The following STAG1 variants were observed in gnomAD, a reference collection of about 807,000 sequenced individuals.
The protein encoded by STAG1 is STAG1 cohesin complex component.
A neutral mutation model predicts 170.9 loss-of-function variants in STAG1; 26 were observed. The observed-to-expected ratio is 0.15, with a 90% CI of 0.11 to 0.21. The LOEUF is 0.21. Among genes scored for constraint, STAG1 ranks in the 10% least tolerant of loss-of-function variants. STAG1 has a pLI of 1.00. For synonymous variants in STAG1, 514 were observed against 497.7 expected, an observed-to-expected ratio of 1.03 and a Z score of -0.44; for missense variants, 964 against 1,509.5, an observed-to-expected ratio of 0.64 and a Z score of 5.99.
Position 136,736,408 on chromosome 3 carries a change from G to A in STAG1, c.-84+15787C>T, listed in dbSNP as rs1421272169. On this transcript the variant is annotated intron_variant, in intron 1 of 33. Transcript: ENST00000383202. ...AAAAGCAAATACTACTCTATGTTGGGGTGGAAGTGGGAGGAAAGAATGAGT... is the reference window on the plus strand; with the variant it reads ...AAAAGCAAATACTACTCTATGTTGGAGTGGAAGTGGGAGGAAAGAATGAGT... 4 of 917,036 alleles carry A rather than the reference G, an allele frequency of 4.4e-6. No homozygotes were observed. In the East Asian group the frequency reaches 9.6e-5, roughly 22 times the overall value. The allele number at this position is 917,036 out of a possible 1,614,324, so 56.8% of individuals were successfully genotyped here.
chr3:136,363,332 C>A (rs773787704), intron 26 of STAG1, 34 bp downstream of exon 26: 1 of 1,117,892 alleles, frequency 8.9e-7, no homozygotes, highest in Non-Finnish European at 1.4e-6. Context: ...AATGTTATTT[C>A]CATTCTTTGT....
chr3:136,363,292 T>C (rs1936947436), intron 26 of STAG1, 74 bp downstream of exon 26: 1 of 756,720 alleles, frequency 1.3e-6, no homozygotes. Context: ...ATGAGATACC[T>C]AGCAAATATT....
chr3:136,687,886 A>T (rs1056948855), intron 1 of STAG1, among the ~76,000 whole-genome samples: 3 of 151,880 alleles, frequency 2.0e-5, no homozygotes, highest in Non-Finnish European at 4.4e-5. Flanking sequence ...ACCAACGTCC[A>T]CCACCATGCC....
At chr3:136,518,672 CGTTAAA>C (rs1416121222) in intron 7 of STAG1, among the ~76,000 whole-genome samples, 11 of 151,928 alleles carry the variant, frequency 7.2e-5, no homozygotes, top group African/African-American at 2.7e-4. Flanking sequence ...TACAGTAATA[CGTTAAA>C]GTAAATTGAG....
intron 10 of STAG1, among the ~76,000 whole-genome samples, chr3:136,476,925 T>C (rs1359034442): frequency 6.6e-6 from 1 of 152,156 alleles, no homozygotes; most frequent in Non-Finnish European, 1.5e-5. Flanking sequence ...TACTATGATA[T>C]GGTCCTAGAA....
chr3:136,712,629 C>T (rs916600025), intron 1 of STAG1, among the ~76,000 whole-genome samples: 4 of 152,116 alleles, frequency 2.6e-5, no homozygotes, highest in African/African-American at 9.7e-5. Flanking sequence ...ATAATGTGCA[C>T]TCAGGAGAAT....
At chr3:136,405,262 G>A (rs764814113) in intron 21 of STAG1, among the ~76,000 whole-genome samples, 16 of 75,092 alleles carry the variant, frequency 2.1e-4, no homozygotes, top group South Asian at 4.9e-4. Flanking sequence ...TTTTTTTTCA[G>A]ACGAAGTCTC....
intron 6 of STAG1, among the ~76,000 whole-genome samples, chr3:136,524,359 T>G (rs1017588982): frequency 6.4e-4 from 97 of 152,286 alleles, no homozygotes; most frequent in African/African-American, 2.3e-3. Context: ...TTGAAGCAAT[T>G]GTGAATGGGA....
In STAG1 at chr3:136,702,075, AAGAGAGAGAGAGAG is replaced by A. The variant is rs745623191; in HGVS notation, c.-84+50106_-84+50119del. Among the ~76,000 whole-genome samples the A allele has an allele frequency of 3.0e-3, 276 of 92,208 alleles. 1 individual carries two copies. Among genetic ancestry groups the A allele is most frequent in the African/African-American group, 8.3e-3 (180 of 21,798 alleles). 60.5% of individuals were successfully genotyped at this position (92,208 alleles called of 152,430 possible). ...CTACAGGCATGCACCACCATGCCGAAAGAGAGAGAGAGAGAGAGAGAGAGAGAGAGAGAGAGAGA... is the reference window on the plus strand; with the variant it reads ...CTACAGGCATGCACCACCATGCCGAAAGAGAGAGAGAGAGAGAGAGAGAGA... On this transcript the variant is annotated intron_variant, in intron 1 of 33. Transcript: ENST00000383202.
intron 25 of STAG1, among the ~76,000 whole-genome samples, 159 bp downstream of exon 25, chr3:136,366,784 A>G (rs1217399366): frequency 1.3e-5 from 2 of 152,174 alleles, no homozygotes; most frequent in African/African-American, 4.8e-5. Context: ...ATATAATAGT[A>G]CAGACTGATA....
chr3:136,346,973 C>T (rs1478019823), intron 29 of STAG1, among the ~76,000 whole-genome samples: 3 of 151,494 alleles, frequency 2.0e-5, no homozygotes, highest in Admixed American at 2.0e-4. Flanking sequence ...GTGGCACATG[C>T]CTGTAGTCCC....
chr3:136,733,477 T>C (rs2107942465), intron 1 of STAG1, among the ~76,000 whole-genome samples: 1 of 152,332 alleles, frequency 6.6e-6, no homozygotes, highest in South Asian at 2.1e-4. Flanking sequence ...AACAGTGGAA[T>C]ACTTTTATTA....
In STAG1 at chr3:136,498,269, CA is replaced by C. The variant is rs1404543334; in HGVS notation, c.902+1953del. On this transcript the variant is annotated intron_variant, in intron 9 of 33. Transcript: ENST00000383202. ...ATACATACACACACACACACACACA[CA>C]CACCACACACACATACACACACACA... Among the ~76,000 whole-genome samples, 21 of 71,122 alleles carry C rather than the reference CA, an allele frequency of 3.0e-4. 1 individual carries two copies. Among genetic ancestry groups the C allele is most frequent in the African/African-American group, 1.5e-3 (20 of 13,044 alleles). 46.7% of individuals were successfully genotyped at this position (71,122 alleles called of 152,430 possible). A position where few individuals can be genotyped will look rare whatever the true frequency, so the allele number is the denominator to read the frequency against.
At chr3:136,471,990 A>C (rs1047306269) in intron 12 of STAG1, among the ~76,000 whole-genome samples, 1 of 152,154 alleles carries the variant, frequency 6.6e-6, no homozygotes, top group African/African-American at 2.4e-5. Flanking sequence ...GGCATGTGCC[A>C]CCATGCCAGT....
intron 3 of STAG1, among the ~76,000 whole-genome samples, chr3:136,617,825 T>G (rs1267518212): frequency 1.3e-5 from 2 of 152,064 alleles, no homozygotes; most frequent in African/African-American, 4.8e-5. Flanking sequence ...AAATAAAAAT[T>G]TTGGTATTTA....
At chr3:136,352,126 T>G (rs1431594898) in intron 28 of STAG1, among the ~76,000 whole-genome samples, 3 of 152,172 alleles carry the variant, frequency 2.0e-5, no homozygotes, top group Non-Finnish European at 4.4e-5. Context: ...TATATTATTA[T>G]TTCAAAAGAT....
In STAG1 at chr3:136,473,307, C is replaced by T. The variant is rs537043814; in HGVS notation, c.1125+232G>A. Among the ~76,000 whole-genome samples the T allele has an allele frequency of 2.0e-5, 3 of 152,162 alleles. No homozygotes were observed. In the East Asian group the frequency reaches 5.8e-4, roughly 29 times the overall value. The stretch of plus-strand genomic sequence containing the variant: ...ATGTAATAACAACAGAAATAAAGTG[C>T]CCAATAAATGTAATGCACTTGAATC... On this transcript the variant is annotated intron_variant, in intron 11 of 33. Coordinates refer to ENST00000383202, the MANE Select transcript of STAG1 (RefSeq NM_005862.3).
intron 22 of STAG1, among the ~76,000 whole-genome samples, chr3:136,393,788 G>T (rs2087074782): frequency 6.6e-6 from 1 of 152,066 alleles, no homozygotes. Context: ...TAGAGACAGG[G>T]TTTCACCATG....
At chr3:136,738,280 C>T (rs888152833) in intron 1 of STAG1, among the ~76,000 whole-genome samples, 3 of 151,872 alleles carry the variant, frequency 2.0e-5, no homozygotes, top group South Asian at 4.2e-4. Context: ...CACCTGAGGT[C>T]GGGAGTTCGA....
Sources: allele counts gnomAD v4.1 joint callset (sites outside exome capture counted in the v4.1 genomes callset), GRCh38; gene constraint gnomAD v4.1.1; transcripts MANE v1.5; gene names NCBI Gene and HGNC (gene_info 2026-07-23, HGNC 2026-07-21).